Variants in DTNB observed in about 807,000 individuals in gnomAD.
DTNB encodes the protein DTN-B.
A neutral mutation model predicts 90.7 loss-of-function variants in DTNB; 63 were observed. The ratio of observed to expected loss-of-function variants is 0.69; its 90% CI spans 0.57 to 0.86. DTNB has a LOEUF of 0.86. DTNB is among the 40% of genes least tolerant of loss of function. DTNB has a pLI of 0.00. For missense variants in DTNB, 744 were observed against 807.1 expected, an observed-to-expected ratio of 0.92 and a Z score of 0.95; for synonymous variants, 277 against 286.7, an observed-to-expected ratio of 0.97 and a Z score of 0.34.
At chr2:25,539,177 A>C (rs1177515174) in intron 8 of DTNB, among the ~76,000 whole-genome samples, 2 of 152,050 alleles carry the variant, frequency 1.3e-5, no homozygotes, top group Non-Finnish European at 2.9e-5. Flanking sequence ...GGGTGTTTCC[A>C]TGTTTTCCAT....
At chr2:25,582,950 A>C (rs1391403367) in intron 6 of DTNB, among the ~76,000 whole-genome samples, 1 of 152,166 alleles carries the variant, frequency 6.6e-6, no homozygotes, top group Non-Finnish European at 1.5e-5. Flanking sequence ...AGATAAAGTC[A>C]AAAGTGTCTA....
chr2:25,487,515 C>G (rs1320887254), intron 9 of DTNB, among the ~76,000 whole-genome samples: 1 of 152,066 alleles, frequency 6.6e-6, no homozygotes, highest in African/African-American at 2.4e-5. Flanking sequence ...TCTGTGGGGG[C>G]TCCTGGAACC....
intron 9 of DTNB, among the ~76,000 whole-genome samples, chr2:25,522,985 G>A (rs1368118387): frequency 1.3e-5 from 2 of 152,158 alleles, no homozygotes; most frequent in Non-Finnish European, 2.9e-5. Context: ...ACAGACATGA[G>A]CCACCGCACC....
chr2:25,392,177 G>C (rs2041300726), intron 16 of DTNB, among the ~76,000 whole-genome samples: 2 of 152,204 alleles, frequency 1.3e-5, no homozygotes, highest in Non-Finnish European at 2.9e-5. Context: ...GGGAGGCCAA[G>C]GTGGGTGGAT....
At chr2:25,425,030 G>A (rs1277778485) in intron 15 of DTNB, among the ~76,000 whole-genome samples, 3 of 152,166 alleles carry the variant, frequency 2.0e-5, no homozygotes, top group Non-Finnish European at 4.4e-5. Flanking sequence ...AAAGCCCCAC[G>A]AGGCTGCAGA....
chr2:25,669,814 C>T (rs1007121322), intron 1 of DTNB, among the ~76,000 whole-genome samples: 2 of 151,722 alleles, frequency 1.3e-5, no homozygotes, highest in South Asian at 2.1e-4. Context: ...AATGGTGGCA[C>T]GCAAGTGTAG....
intron 6 of DTNB, among the ~76,000 whole-genome samples, chr2:25,590,051 A>T (rs2063258061): frequency 6.6e-6 from 1 of 152,198 alleles, no homozygotes; most frequent in African/African-American, 2.4e-5. Flanking sequence ...GCACTGGACC[A>T]GGCATACTGC....
At chr2:25,669,072 C>T (rs376995261) in intron 1 of DTNB, among the ~76,000 whole-genome samples, 3 of 152,148 alleles carry the variant, frequency 2.0e-5, no homozygotes, top group East Asian at 1.9e-4. Flanking sequence ...CTAGAGTAGT[C>T]GAATTCATAG....
intron 4 of DTNB, among the ~76,000 whole-genome samples, chr2:25,608,280 C>G (rs897422452): frequency 6.6e-6 from 1 of 152,266 alleles, no homozygotes; most frequent in Non-Finnish European, 1.5e-5. Context: ...GGTTCTAATA[C>G]AGTGTTTCCC....
rs142159674 is a variant in DTNB at position 25,520,083 on chromosome 2, T to C, written c.1001+11390A>G. On this transcript the variant is annotated intron_variant, in intron 9 of 20. Transcript: ENST00000406818. ...AATAACTCTCTTCAGAAAAAAAAAA[T>C]TGGCTTATTAAAGTTGTAGGCTAGG... 2.1e-3 allele frequency among the ~76,000 whole-genome samples: 313 copies of C among 151,918 alleles called. 2 individuals carry two copies. The highest frequency in any genetic ancestry group is 7.3e-3 in the African/African-American group (301 of 41,394).
chr2:25,386,254 A>T (rs1341629785), intron 18 of DTNB: 1 of 296,682 alleles, frequency 3.4e-6, no homozygotes, highest in Non-Finnish European at 5.0e-6. Flanking sequence ...GGCTCTGTCC[A>T]GTCCCATGAC....
intron 12 of DTNB, among the ~76,000 whole-genome samples, chr2:25,444,445 G>GA (rs2058072196): frequency 6.6e-6 from 1 of 150,644 alleles, no homozygotes; most frequent in Admixed American, 6.6e-5. Flanking sequence ...TGAGGCAGGA[G>GA]AATTTCTTGA....
chr2:25,543,283 T>C (rs934583126), intron 8 of DTNB, among the ~76,000 whole-genome samples: 6 of 151,380 alleles, frequency 4.0e-5, no homozygotes, highest in African/African-American at 1.5e-4. Context: ...GTAAACAGCA[T>C]AGAGACAGGT....
intron 16 of DTNB, chr2:25,388,599 A>C: frequency 3.9e-5 from 19 of 488,276 alleles, no homozygotes; most frequent in Admixed American, 1.6e-4. Context: ...AAGACCAAGA[A>C]TGGGAGGGAA....
chr2:25,520,320 C>T lies in DTNB; in HGVS notation c.1001+11153G>A, dbSNP rs1208260764. On this transcript the variant is annotated intron_variant, in intron 9 of 20. Coordinates refer to ENST00000406818, the MANE Select transcript of DTNB (RefSeq NM_021907.5). The stretch of plus-strand genomic sequence containing the variant: ...CCGGGAGGTGGAAGTTGCAGTGAGC[C>T]GAGATTCTGCCACCGTACTCCAGCC... Among the ~76,000 whole-genome samples the T allele has an allele frequency of 4.6e-5, 7 of 152,112 alleles. No individual in the cohort carries two copies. In the East Asian group the frequency reaches 5.8e-4, roughly 13 times the overall value.
Position 25,387,642 on chromosome 2 carries a change from T to C in DTNB, c.1736-264A>G, listed in dbSNP as rs113667707. Among the ~76,000 whole-genome samples, 11 of 152,266 alleles carry C rather than the reference T, an allele frequency of 7.2e-5. No homozygotes were observed. Among genetic ancestry groups the C allele is most frequent in the African/African-American group, 2.6e-4 (11 of 41,558 alleles). ...TTGCCGCCACCACACAATCCAGAGC[T>C]GGGTTCCAGAATAAGCATTCCACCG... On this transcript the variant is annotated intron_variant, in intron 17 of 20. Coordinates refer to ENST00000406818, the MANE Select transcript of DTNB (RefSeq NM_021907.5). This position sits in a 1 kb window ranked among gnomAD's most constrained non-coding sequence, Gnocchi z 4.5.
intron 4 of DTNB, 42 bp downstream of exon 4, chr2:25,628,129 T>C: frequency 6.3e-7 from 1 of 1,585,940 alleles, no homozygotes. Context: ...GAGACAGGTG[T>C]TCTTAAAATG....
intron 9 of DTNB, among the ~76,000 whole-genome samples, chr2:25,505,195 C>T (rs1477657204): frequency 6.6e-6 from 1 of 152,188 alleles, no homozygotes; most frequent in Non-Finnish European, 1.5e-5. Context: ...ACTCCACACC[C>T]CACCTGTCTG....
rs1246582455 is a variant in DTNB, at chr2:25,634,648, G to T, written c.148+4366C>A. The stretch of plus-strand genomic sequence containing the variant: ...AGGTGGGGAAAAGATTGAGAGGTTG[G>T]ATGGTTGCCGTGTCTGTGTAGAAAG... On this transcript the variant is annotated intron_variant, in intron 3 of 20. Transcript: ENST00000406818. Among the ~76,000 whole-genome samples the T allele has an allele frequency of 2.6e-5, 3 of 116,082 alleles. 1 individual carries two copies. Among genetic ancestry groups the T allele is most frequent in the Admixed American group, 1.7e-4 (2 of 11,704 alleles). 76.2% of individuals were successfully genotyped at this position (116,082 alleles called of 152,430 possible). A position where few individuals can be genotyped will look rare whatever the true frequency, so the allele number is the denominator to read the frequency against.
Sources: allele counts gnomAD v4.1 joint callset (sites outside exome capture counted in the v4.1 genomes callset), GRCh38; gene constraint gnomAD v4.1.1; non-coding constraint Gnocchi (gnomAD v3.1); transcripts MANE v1.5; gene names NCBI Gene and HGNC (gene_info 2026-07-23, HGNC 2026-07-21).